SLC2A9: variants seen among roughly 807,000 people sequenced by gnomAD.
The protein encoded by SLC2A9 is solute carrier family 2, facilitated glucose transporter member 9.
In SLC2A9, 39 loss-of-function variants were observed where a neutral mutation model predicts 50.6. That is an observed-to-expected ratio of 0.77 (90% CI 0.60 to 1.01). The LOEUF (loss-of-function observed/expected upper bound fraction) is 1.01, where lower values mean the gene tolerates loss of function less well. Among genes scored for constraint, SLC2A9 ranks in the 50% least tolerant of loss-of-function variants. The pLI, the probability that SLC2A9 is intolerant of heterozygous loss-of-function variation, is 0.00. For missense variants in SLC2A9, 686 were observed against 677.6 expected, an observed-to-expected ratio of 1.01 and a Z score of -0.14; for synonymous variants, 324 against 276.9, an observed-to-expected ratio of 1.17 and a Z score of -1.69.
chr4:9,783,358 G>T lies in SLC2A9; in HGVS notation n.386-3293C>A, dbSNP rs879087241. On this transcript the variant is annotated intron_variant and non_coding_transcript_variant, in intron 3 of 3. Coordinates refer to the SLC2A9 transcript ENST00000503803. ...ATCGCATGTTCCAGATCTATCAGACGTCCCCAGATGGTGACCCTGTTGCTG... is the reference window on the plus strand; with the variant it reads ...ATCGCATGTTCCAGATCTATCAGACTTCCCCAGATGGTGACCCTGTTGCTG... 7 of 1,614,210 alleles carry T rather than the reference G, an allele frequency of 4.3e-6. No individual in the cohort carries two copies. The East Asian group carries it at 1.6e-4, about 36-fold the overall frequency.
chr4:9,977,904 GA>G (rs916988870), intron 5 of SLC2A9, among the ~76,000 whole-genome samples: 2 of 152,184 alleles, frequency 1.3e-5, no homozygotes, highest in African/African-American at 4.8e-5. Context: ...GCACACAATA[GA>G]AGCTTTCTAC....
intron 3 of SLC2A9, among the ~76,000 whole-genome samples, chr4:9,799,693 C>CCCT (rs1553813215): frequency 1.0e-4 from 1 of 9,596 alleles, no homozygotes; most frequent in East Asian, 3.0e-3. Context: ...TCCAATTGTA[C>CCCT]CCCCCCCCCA....
At chr4:9,952,284 G>A (rs1319782369) in intron 5 of SLC2A9, among the ~76,000 whole-genome samples, 2 of 152,160 alleles carry the variant, frequency 1.3e-5, no homozygotes, top group Non-Finnish European at 2.9e-5. Flanking sequence ...AAGGTGTTTG[G>A]GTTATGGGGT....
rs77091057 is a variant in SLC2A9 at position 9,958,847 on chromosome 4, T to C, written c.682-16802A>G. Among the ~76,000 whole-genome samples the C allele has an allele frequency of 6.7e-3, 1,015 of 151,244 alleles. 8 individuals carry two copies. Among genetic ancestry groups the C allele is most frequent in the African/African-American group, 0.024 (974 of 40,904 alleles). ...AACATCTGTGATATACTTAAGAATTTTGTAAATTTATTACCAGGTGTTTAA... is the reference window on the plus strand; with the variant it reads ...AACATCTGTGATATACTTAAGAATTCTGTAAATTTATTACCAGGTGTTTAA... On this transcript the variant is annotated intron_variant, in intron 5 of 11. Transcript: ENST00000264784.
downstream of SLC2A9, among the ~76,000 whole-genome samples, chr4:9,777,437 C>A (rs1717716724): frequency 6.6e-6 from 1 of 151,978 alleles, no homozygotes; most frequent in African/African-American, 2.4e-5. Flanking sequence ...AAAAACCCAC[C>A]CTATCTGTCA....
intron 10 of SLC2A9, among the ~76,000 whole-genome samples, chr4:9,857,974 C>T (rs555706104): frequency 7.9e-5 from 12 of 152,338 alleles, no homozygotes; most frequent in African/African-American, 2.6e-4. Flanking sequence ...AACTTATTGT[C>T]CCAGCTTTAA....
At chr4:10,009,744 G>A (rs1761435124) in intron 2 of SLC2A9, 1 of 152,172 alleles carries the variant, frequency 6.6e-6, no homozygotes, top group African/African-American at 2.4e-5. Flanking sequence ...TATATTGGAT[G>A]GTGTGGGGCC....
intron 5 of SLC2A9, among the ~76,000 whole-genome samples, chr4:9,954,254 T>A (rs1750811115): frequency 6.6e-6 from 1 of 152,244 alleles, no homozygotes; most frequent in Admixed American, 6.5e-5. Flanking sequence ...CAGTTCTTAG[T>A]AACACTCACT....
intron 3 of SLC2A9, among the ~76,000 whole-genome samples, chr4:9,995,125 T>TG (rs1758415281): frequency 6.6e-6 from 1 of 152,144 alleles, no homozygotes; most frequent in South Asian, 2.1e-4. Context: ...CTTGTGCAGA[T>TG]GCCCTCACCT....
At chr4:9,976,324 C>T (rs754769930) in intron 5 of SLC2A9, among the ~76,000 whole-genome samples, 1 of 151,842 alleles carries the variant, frequency 6.6e-6, no homozygotes, top group African/African-American at 2.4e-5. Flanking sequence ...TGTTTCAAAG[C>T]AATTGCCTTC....
downstream of SLC2A9, among the ~76,000 whole-genome samples, chr4:9,777,062 T>G (rs1242975677): frequency 6.6e-6 from 1 of 152,258 alleles, no homozygotes; most frequent in Non-Finnish European, 1.5e-5. Context: ...TTTGTTATTC[T>G]GTTTGATTTT....
intron 8 of SLC2A9, among the ~76,000 whole-genome samples, chr4:9,895,654 C>T (rs939197713): frequency 6.6e-6 from 1 of 152,166 alleles, no homozygotes; most frequent in Non-Finnish European, 1.5e-5. Flanking sequence ...ATAATGGGAA[C>T]CTTTTGTTCT....
intron 5 of SLC2A9, among the ~76,000 whole-genome samples, chr4:9,979,443 G>A (rs984699820): frequency 6.6e-6 from 1 of 152,118 alleles, no homozygotes; most frequent in Non-Finnish European, 1.5e-5. Context: ...ATCATTAGTG[G>A]TTTAATCTCT....
In SLC2A9 at chr4:9,895,117, A is replaced by G. The variant is rs113058127; in HGVS notation, c.1114-4406T>C. ...CAGTTGAGAACCATTATCTTACACC[A>G]TGATGCTGACGTTCAAATACTTTGG... On this transcript the variant is annotated intron_variant, in intron 8 of 11. Coordinates refer to ENST00000264784, the MANE Select transcript of SLC2A9 (RefSeq NM_020041.3). 6.6e-3 allele frequency among the ~76,000 whole-genome samples: 1,008 copies of G among 152,324 alleles called. 6 individuals are homozygous for G. The highest frequency in any genetic ancestry group is 9.2e-3 in the Non-Finnish European group (626 of 68,032).
intron 11 of SLC2A9, among the ~76,000 whole-genome samples, chr4:9,831,256 C>T (rs548965980): frequency 8.5e-5 from 13 of 152,080 alleles, no homozygotes; most frequent in Non-Finnish European, 1.9e-4. Context: ...GCCCTAGCAC[C>T]TCAGGATGTG....
chr4:10,002,789 G>T (rs1363523885), intron 2 of SLC2A9, among the ~76,000 whole-genome samples: 1 of 152,206 alleles, frequency 6.6e-6, no homozygotes, highest in Non-Finnish European at 1.5e-5. Flanking sequence ...GGAGGCAGAG[G>T]TTGCAGGGAG....
chr4:9,891,719 G>T (rs953776496), intron 8 of SLC2A9, among the ~76,000 whole-genome samples: 1 of 152,206 alleles, frequency 6.6e-6, no homozygotes, highest in African/African-American at 2.4e-5. Flanking sequence ...AGAATCCATG[G>T]CTTTTCTCAA....
chr4:9,890,741 C>T, intron 8 of SLC2A9, 30 bp from the exon 9 acceptor site: 1 of 1,544,198 alleles, frequency 6.5e-7, no homozygotes, highest in Non-Finnish European at 8.9e-7. Context: ...AGAGAGAGAG[C>T]TATTATTCCA....
At chr4:9,877,213 A>C (rs1328908644) in intron 10 of SLC2A9, among the ~76,000 whole-genome samples, 1 of 152,174 alleles carries the variant, frequency 6.6e-6, no homozygotes, top group South Asian at 2.1e-4. Flanking sequence ...TCTTTCTTTC[A>C]TCTATTATTT....
Sources: allele counts gnomAD v4.1 joint callset (sites outside exome capture counted in the v4.1 genomes callset), GRCh38; gene constraint gnomAD v4.1.1; transcripts MANE v1.5; gene names NCBI Gene and HGNC (gene_info 2026-07-23, HGNC 2026-07-21).